The following SLC4A4 variants were observed in gnomAD, a reference collection of about 807,000 sequenced individuals.
The protein encoded by SLC4A4 is solute carrier family 4 member 4.
SLC4A4 carries 27 observed loss-of-function variants against 111.5 expected under a neutral mutation model. The ratio of observed to expected loss-of-function variants is 0.24; its 90% CI spans 0.18 to 0.33. SLC4A4 has a LOEUF of 0.33. Among genes scored for constraint, SLC4A4 ranks in the 10% least tolerant of loss-of-function variants. The pLI, the probability that SLC4A4 is intolerant of heterozygous loss-of-function variation, is 1.00. For synonymous variants in SLC4A4, 443 were observed against 463.4 expected, an observed-to-expected ratio of 0.96 and a Z score of 0.57; for missense variants, 909 against 1,315.5, an observed-to-expected ratio of 0.69 and a Z score of 4.78.
chr4:71,253,854 C>A (rs1721250982), intron 2 of SLC4A4, among the ~76,000 whole-genome samples: 1 of 152,158 alleles, frequency 6.6e-6, no homozygotes, highest in African/African-American at 2.4e-5. Context: ...AAGATGCCTC[C>A]AACTTCATTC....
chr4:71,462,609 A>G lies in SLC4A4; in HGVS notation c.1498-3835A>G, dbSNP rs562236458. ...TTTTTAGTAGAGACAGAGTTTCTCC[A>G]TGTTGGCCAGGCTGGTCTCGAACTC... is the stretch of plus-strand genomic sequence containing the variant. On this transcript the variant is annotated intron_variant, in intron 12 of 25. Transcript: ENST00000264485. Among the ~76,000 whole-genome samples, 3 of 151,890 alleles carry G rather than the reference A, an allele frequency of 2.0e-5. No homozygotes were observed. The South Asian group carries it at 6.2e-4, about 32-fold the overall frequency.
intron 7 of SLC4A4, among the ~76,000 whole-genome samples, chr4:71,412,466 AT>A (rs1275423816): frequency 6.6e-6 from 1 of 152,228 alleles, no homozygotes; most frequent in Non-Finnish European, 1.5e-5. Context: ...TAAAATTGCA[AT>A]AGCAGATGGA....
intron 1 of SLC4A4, among the ~76,000 whole-genome samples, chr4:71,063,047 T>TATGAATGCC (rs1416404296): frequency 6.6e-6 from 1 of 152,144 alleles, no homozygotes; most frequent in Non-Finnish European, 1.5e-5. Context: ...AGAGAAACAA[T>TATGAATGCC]ATGAATGCCA....
intron 6 of SLC4A4, among the ~76,000 whole-genome samples, chr4:71,367,970 A>C (rs1216074498): frequency 6.6e-6 from 1 of 152,178 alleles, no homozygotes; most frequent in Non-Finnish European, 1.5e-5. Context: ...ACTTATGTGA[A>C]TAGATTATCT....
At chr4:71,297,425 G>C (rs138828085) in intron 3 of SLC4A4, among the ~76,000 whole-genome samples, 1 of 151,112 alleles carries the variant, frequency 6.6e-6, no homozygotes, top group African/African-American at 2.4e-5. Flanking sequence ...TCTGTCCTTT[G>C]TTTTCATGTG....
intron 17 of SLC4A4, among the ~76,000 whole-genome samples, chr4:71,532,961 G>A (rs1734071417): frequency 1.3e-5 from 2 of 152,010 alleles, no homozygotes; most frequent in Admixed American, 1.3e-4. Context: ...GATATGTGTA[G>A]GTAATGGATA....
intron 7 of SLC4A4, among the ~76,000 whole-genome samples, chr4:71,402,914 C>T (rs1199067191): frequency 6.6e-6 from 1 of 152,288 alleles, no homozygotes; most frequent in East Asian, 1.9e-4. Flanking sequence ...GCTTCCTTTT[C>T]CCATTCTATG....
At chr4:71,416,296 C>A (rs1302389894) in intron 7 of SLC4A4, among the ~76,000 whole-genome samples, 1 of 152,146 alleles carries the variant, frequency 6.6e-6, no homozygotes, top group Non-Finnish European at 1.5e-5. Context: ...CAGTACCAAA[C>A]CTTACATATA....
At chr4:71,207,879 CAT>C (rs1244295698) in intron 1 of SLC4A4, among the ~76,000 whole-genome samples, 14 of 152,200 alleles carry the variant, frequency 9.2e-5, no homozygotes, top group African/African-American at 2.9e-4. Flanking sequence ...GTAGTGCAAT[CAT>C]AGCTCACTGC....
chr4:71,202,695 C>T (rs2602087), intron 1 of SLC4A4, among the ~76,000 whole-genome samples: 24,163 of 151,894 alleles, frequency 0.16, 3,130 homozygotes, highest in African/African-American at 0.33. Flanking sequence ...TTAAATTGCT[C>T]GTACTTATTC....
intron 16 of SLC4A4, among the ~76,000 whole-genome samples, chr4:71,505,951 A>G (rs1299467635): frequency 6.6e-6 from 1 of 151,934 alleles, no homozygotes; most frequent in African/African-American, 2.4e-5. Context: ...ATGGGGAATT[A>G]TTTCACCATT....
chr4:71,107,575 C>G (rs941601470), intron 2 of SLC4A4, among the ~76,000 whole-genome samples: 7 of 152,106 alleles, frequency 4.6e-5, no homozygotes, highest in Admixed American at 2.0e-4. Flanking sequence ...GTCTCAAACT[C>G]CCGACCTCAA....
intron 3 of SLC4A4, among the ~76,000 whole-genome samples, chr4:71,317,723 G>A (rs1190615442): frequency 2.0e-5 from 3 of 151,936 alleles, no homozygotes; most frequent in Non-Finnish European, 4.4e-5. Context: ...AAATGATGGG[G>A]GAAGCACACT....
chr4:71,068,903 A>T (rs996455958), intron 1 of SLC4A4, among the ~76,000 whole-genome samples: 1 of 152,182 alleles, frequency 6.6e-6, no homozygotes, highest in Non-Finnish European at 1.5e-5. Flanking sequence ...TACATAAAAC[A>T]TCATGAATGG....
At chr4:71,187,597 C>T (rs1325203922) in intron 1 of SLC4A4, among the ~76,000 whole-genome samples, 196 bp downstream of exon 1, 1 of 152,128 alleles carries the variant, frequency 6.6e-6, no homozygotes, top group African/African-American at 2.4e-5. Context: ...AGGCTGCTTC[C>T]GCGGAAAAGT....
intron 7 of SLC4A4, among the ~76,000 whole-genome samples, chr4:71,425,802 G>T (rs942370822): frequency 2.0e-5 from 3 of 152,064 alleles, no homozygotes; most frequent in Non-Finnish European, 4.4e-5. Context: ...ATAGAAGGGA[G>T]TATCTGGGTT....
chr4:71,521,355 G>A (rs13142081), intron 16 of SLC4A4, among the ~76,000 whole-genome samples: 85,749 of 151,794 alleles, frequency 0.56, 27,836 homozygotes, highest in Non-Finnish European at 0.74. Context: ...CCTGTCTTCC[G>A]AGTAGCTGGA....
chr4:71,212,435 TG>T (rs1450186196), intron 1 of SLC4A4, among the ~76,000 whole-genome samples: 2 of 152,062 alleles, frequency 1.3e-5, no homozygotes, highest in Non-Finnish European at 2.9e-5. Flanking sequence ...GGGCAGAAGG[TG>T]GGGGTTGCCC....
chr4:71,480,250 AG>A (rs1728753998), intron 14 of SLC4A4, among the ~76,000 whole-genome samples: 1 of 151,626 alleles, frequency 6.6e-6, no homozygotes. Flanking sequence ...ACACCATCGT[AG>A]ATGAACTTGT....
Sources: allele counts gnomAD v4.1 joint callset (sites outside exome capture counted in the v4.1 genomes callset), GRCh38; gene constraint gnomAD v4.1.1; transcripts MANE v1.5; gene names NCBI Gene and HGNC (gene_info 2026-07-23, HGNC 2026-07-21).